The following KLHL1 variants were observed in gnomAD, a reference collection of about 807,000 sequenced individuals.
KLHL1 encodes the protein kelch like family member 1.
A neutral mutation model predicts 77.7 loss-of-function variants in KLHL1; 47 were observed. That is an observed-to-expected ratio of 0.60 (90% CI 0.48 to 0.77). KLHL1 has a LOEUF of 0.77. Among genes scored for constraint, KLHL1 ranks in the 30% least tolerant of loss-of-function variants. The probability of loss-of-function intolerance (pLI) is 0.00; values close to 1 mark genes in which losing one functional copy is unlikely to be tolerated. For synonymous variants in KLHL1, 360 were observed against 325.2 expected, an observed-to-expected ratio of 1.11 and a Z score of -1.15; for missense variants, 925 against 910.8, an observed-to-expected ratio of 1.02 and a Z score of -0.20.
rs559558076 is a variant in KLHL1, at chr13:70,050,719, T to G, written c.497+56484A>C. ...AAATATTTTAATCATGATCAAAATA[T>G]AAGTGTTAACCTGGTAATTGTTACC... is the stretch of plus-strand genomic sequence containing the variant. On this transcript the variant is annotated intron_variant, in intron 1 of 10. Coordinates refer to ENST00000377844, the MANE Select transcript of KLHL1 (RefSeq NM_020866.3). 5.3e-5 allele frequency among the ~76,000 whole-genome samples: 8 copies of G among 152,172 alleles called. No individual in the cohort carries two copies. In the South Asian group the frequency reaches 1.7e-3, roughly 32 times the overall value.
chr13:69,993,256 A>G lies in KLHL1; in HGVS notation c.498-17454T>C, dbSNP rs566442778. Among the ~76,000 whole-genome samples the G allele has an allele frequency of 3.4e-4, 51 of 152,186 alleles. 1 individual carries two copies. Among genetic ancestry groups the G allele is most frequent in the Admixed American group, 2.4e-3 (37 of 15,242 alleles). On this transcript the variant is annotated intron_variant, in intron 1 of 10. Transcript: ENST00000377844. ...ATGGTCCAGTGTCTGGGAGAGCCAT[A>G]GCAGAACCACCACGCTTGTAAACAG...
chr13:69,791,615 T>G (rs1385558783), intron 7 of KLHL1, among the ~76,000 whole-genome samples: 1 of 151,876 alleles, frequency 6.6e-6, no homozygotes, highest in African/African-American at 2.4e-5. Flanking sequence ...AATTGAAAAA[T>G]ACAAAAATAA....
chr13:69,834,073 G>A (rs920229817), intron 6 of KLHL1, among the ~76,000 whole-genome samples: 1 of 151,864 alleles, frequency 6.6e-6, no homozygotes, highest in African/African-American at 2.4e-5. Context: ...ATGGACTTTG[G>A]GGACTTGAGG....
At chr13:69,731,623 A>G (rs1051083981) in intron 8 of KLHL1, among the ~76,000 whole-genome samples, 7 of 152,226 alleles carry the variant, frequency 4.6e-5, no homozygotes, top group Non-Finnish European at 8.8e-5. Context: ...CACTTTATAC[A>G]TTACTGCAGA....
intron 9 of KLHL1, among the ~76,000 whole-genome samples, chr13:69,716,763 T>C (rs1872773713): frequency 6.6e-6 from 1 of 152,150 alleles, no homozygotes; most frequent in South Asian, 2.1e-4. Context: ...TATTTATTTG[T>C]CTCTTTCTTC....
intron 4 of KLHL1, among the ~76,000 whole-genome samples, chr13:69,884,979 G>C (rs1881152374): frequency 8.0e-6 from 1 of 125,674 alleles, no homozygotes; most frequent in African/African-American, 3.7e-5. Context: ...TGTCGCCCAG[G>C]CCGGACTGCG....
intron 4 of KLHL1, among the ~76,000 whole-genome samples, chr13:69,896,827 T>C (rs1881662058): frequency 6.6e-6 from 1 of 151,622 alleles, no homozygotes; most frequent in Non-Finnish European, 1.5e-5. Flanking sequence ...CACCACCACC[T>C]CACCTGGCTA....
chr13:69,744,727 C>T (rs1874133720), intron 7 of KLHL1, among the ~76,000 whole-genome samples: 1 of 151,522 alleles, frequency 6.6e-6, no homozygotes. Flanking sequence ...CTGATTTGAA[C>T]TTATAAATTA....
intron 1 of KLHL1, among the ~76,000 whole-genome samples, chr13:70,042,524 A>G (rs1331120162): frequency 6.6e-6 from 1 of 152,130 alleles, no homozygotes; most frequent in Non-Finnish European, 1.5e-5. Flanking sequence ...CCCAAAAGTA[A>G]TTGCACAATG....
chr13:69,934,618 C>T (rs1883110662), intron 4 of KLHL1, among the ~76,000 whole-genome samples: 1 of 151,768 alleles, frequency 6.6e-6, no homozygotes, highest in South Asian at 2.1e-4. Flanking sequence ...TATTATATTC[C>T]AGATAAATCC....
intron 1 of KLHL1, among the ~76,000 whole-genome samples, chr13:70,071,215 G>C (rs1029320476): frequency 6.6e-5 from 10 of 151,996 alleles, no homozygotes; most frequent in African/African-American, 2.4e-4. Flanking sequence ...ATACCAGGCT[G>C]GAGTAGCTAT....
At chr13:69,809,881 A>C (rs116516303) in intron 6 of KLHL1, among the ~76,000 whole-genome samples, 1 of 152,116 alleles carries the variant, frequency 6.6e-6, no homozygotes, top group East Asian at 1.9e-4. Context: ...AATGGAAAAA[A>C]AAAAAGCAGG....
chr13:69,816,452 C>T lies in KLHL1; in HGVS notation c.1415-19490G>A, dbSNP rs575552729. 2.6e-5 allele frequency among the ~76,000 whole-genome samples: 4 copies of T among 151,278 alleles called. No individual in the cohort carries two copies. The South Asian group carries it at 6.2e-4, about 24-fold the overall frequency. On this transcript the variant is annotated intron_variant, in intron 6 of 10. Transcript: ENST00000377844. ...ATTTTTTTTTTTCCTTTAGTAGAGA[C>T]GGGGTTTCACCATGTTGGCCAGGCT...
At chr13:70,106,922 T>C (rs538830450) in intron 1 of KLHL1, among the ~76,000 whole-genome samples, 1 of 152,306 alleles carries the variant, frequency 6.6e-6, no homozygotes, top group South Asian at 2.1e-4. Context: ...CTCAGGAATA[T>C]GAGAACTATT....
intron 1 of KLHL1, among the ~76,000 whole-genome samples, chr13:70,033,542 G>C (rs1036317083): frequency 2.0e-5 from 3 of 148,376 alleles, no homozygotes; most frequent in Admixed American, 6.8e-5. Flanking sequence ...CTCCGACCTC[G>C]TGATCCACCC....
chr13:69,886,433 A>G (rs1373888163), intron 4 of KLHL1, among the ~76,000 whole-genome samples: 2 of 151,602 alleles, frequency 1.3e-5, no homozygotes, highest in East Asian at 3.9e-4. Context: ...AGATTTTCTA[A>G]TATTCATTTC....
chr13:69,835,965 A>G (rs1271226139), intron 6 of KLHL1, among the ~76,000 whole-genome samples: 3 of 152,118 alleles, frequency 2.0e-5, no homozygotes, highest in Non-Finnish European at 4.4e-5. Flanking sequence ...TTTGTATCAG[A>G]CAAACTGTTC....
chr13:69,711,224 A>G (rs1566353000), intron 9 of KLHL1, among the ~76,000 whole-genome samples: 2 of 152,114 alleles, frequency 1.3e-5, no homozygotes, highest in Non-Finnish European at 2.9e-5. Context: ...AAGTTTGTAC[A>G]GGAGATATTT....
rs77615887 is a variant in KLHL1, at chr13:69,970,640, A to G, written c.680+4980T>C. On this transcript the variant is annotated intron_variant, in intron 2 of 10. Transcript: ENST00000377844. ...CTGCCACCACCTCTCCTGACTCTCAACCTGTGGGTGGATCTTAAAGCACTG... is the reference window on the plus strand; with the variant it reads ...CTGCCACCACCTCTCCTGACTCTCAGCCTGTGGGTGGATCTTAAAGCACTG... Among the ~76,000 whole-genome samples the G allele has an allele frequency of 2.6e-5, 4 of 152,162 alleles. No individual in the cohort carries two copies. In the East Asian group the frequency reaches 7.8e-4, roughly 30 times the overall value.
Sources: allele counts gnomAD v4.1 joint callset (sites outside exome capture counted in the v4.1 genomes callset), GRCh38; gene constraint gnomAD v4.1.1; transcripts MANE v1.5; gene names NCBI Gene and HGNC (gene_info 2026-07-23, HGNC 2026-07-21).